SCGB3A2: variants seen among roughly 807,000 people sequenced by gnomAD.
SCGB3A2 encodes secretoglobin family 3A member 2, also known as pneumo secretory protein 1.
In SCGB3A2, 5 loss-of-function variants were observed where a neutral mutation model predicts 7.7. The ratio of observed to expected loss-of-function variants is 0.65; its 90% CI spans 0.34 to 1.36. The LOEUF (loss-of-function observed/expected upper bound fraction) is 1.36, where lower values mean the gene tolerates loss of function less well. Among genes scored for constraint, SCGB3A2 ranks in the 40% most tolerant of loss-of-function variants. The pLI is 0.04. For synonymous variants in SCGB3A2, 44 were observed against 42.7 expected, an observed-to-expected ratio of 1.03 and a Z score of -0.12; for missense variants, 109 against 103.6, an observed-to-expected ratio of 1.05 and a Z score of -0.23.
At chr5:147,881,056 G>A (rs1025207436) in intron 1 of SCGB3A2, 3 of 195,398 alleles carry the variant, frequency 1.5e-5, no homozygotes, top group East Asian at 1.4e-4. Context: ...GTGCATTAGC[G>A]AAAAAACACA....
Position 147,881,648 on chromosome 5 carries a change from G to C in SCGB3A2, c.258G>C (p.Leu86=). 1 of 1,612,638 alleles carries C rather than the reference G, an allele frequency of 6.2e-7. No homozygotes were observed. The highest frequency in any genetic ancestry group is 8.5e-7 in the Non-Finnish European group (1 of 1,179,270). Residue 86 remains leucine, a splice_region_variant and synonymous_variant, in exon 2 of 3, where the codon CTG becomes CTC. Coordinates refer to ENST00000296694, the MANE Select transcript of SCGB3A2 (RefSeq NM_054023.5). ...CTTCTGAAGCTGTGAAGAAACTGCT[G>C]GTAACCACAGCTTGGGAGGCTAATC... is the stretch of plus-strand genomic sequence containing the variant. The part of the protein sequence containing the change: ...PEASEAVKKL[L]EALSHLV
At chr5:147,879,666 T>A (rs1013384593) in intron 1 of SCGB3A2, among the ~76,000 whole-genome samples, 9 of 152,298 alleles carry the variant, frequency 5.9e-5, no homozygotes, top group African/African-American at 2.2e-4. Context: ...GAAGACAGTG[T>A]GGGCACATGG....
At position 147,881,637 on chromosome 5, in the gene SCGB3A2, A is replaced by G. The variant is rs1431949595; in HGVS notation, c.247A>G (p.Lys83Glu). ...ELGPEASEAV[K>E]KLLEALSHLV Reference sequence around the variant, plus strand: ...GGGACCAGAGGCTTCTGAAGCTGTGAAGAAACTGCTGGTAACCACAGCTTG... The same window carrying G: ...GGGACCAGAGGCTTCTGAAGCTGTGGAGAAACTGCTGGTAACCACAGCTTG... Residue 83 changes from lysine to glutamate, a missense_variant, in exon 2 of 3, where the codon AAG becomes GAG. By Grantham distance (56) the Lys-to-Glu change is moderately conservative (BLOSUM62 1). Transcript: ENST00000296694. 1.9e-6 allele frequency: 3 copies of G among 1,613,472 alleles called. No individual in the cohort carries two copies. Among genetic ancestry groups the G allele is most frequent in the Non-Finnish European group, 2.5e-6 (3 of 1,179,718 alleles).
intron 1 of SCGB3A2, among the ~76,000 whole-genome samples, 171 bp downstream of exon 1, chr5:147,879,029 G>A (rs1049926237): frequency 6.6e-6 from 1 of 152,036 alleles, no homozygotes; most frequent in Non-Finnish European, 1.5e-5. Context: ...TTGCAGGGTT[G>A]GAAGAAGTTT....
intron 2 of SCGB3A2, 73 bp downstream of exon 2, chr5:147,881,721 G>C (rs1347443664): frequency 7.6e-6 from 9 of 1,188,030 alleles, no homozygotes; most frequent in Middle Eastern, 4.1e-4. Flanking sequence ...TCCTCTTCTT[G>C]TCCCTTGTAA....
intron 2 of SCGB3A2, 42 bp from the exon 3 acceptor site, chr5:147,881,985 C>A: frequency 6.2e-7 from 1 of 1,606,856 alleles, no homozygotes; most frequent in Middle Eastern, 1.7e-4. Flanking sequence ...ATGCGAATTA[C>A]ATGTAAGCTG....
Position 147,882,031 on chromosome 5 carries a change from C to T in SCGB3A2, c.263C>T (p.Ala88Val), listed in dbSNP as rs1393390143. ...ASEAVKKLLE[A>V]LSHLV ...TGTTGTCCTTCTACATTTCAGGAGG[C>T]GCTATCACACTTGGTGTGACATCAA... Residue 88 changes from alanine to valine, a missense_variant, in exon 3 of 3, where the codon GCG (alanine) becomes GTG (valine). Coordinates refer to ENST00000296694, the MANE Select transcript of SCGB3A2 (RefSeq NM_054023.5). 6 of 1,613,740 alleles carry T rather than the reference C, an allele frequency of 3.7e-6. No individual in the cohort carries two copies. Among genetic ancestry groups the T allele is most frequent in the South Asian group, 1.1e-5 (1 of 91,056 alleles).
At chr5:147,879,845 G>A (rs1293588625) in intron 1 of SCGB3A2, among the ~76,000 whole-genome samples, 2 of 152,142 alleles carry the variant, frequency 1.3e-5, no homozygotes, top group African/African-American at 4.8e-5. Context: ...ACCTACAATG[G>A]CAACTTTGGC....
chr5:147,881,480 T>A lies in SCGB3A2; in HGVS notation c.90T>A (p.Pro30=). 6.2e-7 allele frequency: 1 copy of A among 1,614,068 alleles called. No individual in the cohort carries two copies. The highest frequency in any genetic ancestry group is 1.3e-5 in the African/African-American group (1 of 75,042). The change falls in exon 2 of 3, where the codon CCT becomes CCA. Residue 30 remains proline, a synonymous_variant. Transcript: ENST00000296694. ...TCCTCATCAACAAAGTGCCCCTTCC[T>A]GTTGACAAGTTGGCACCTTTACCTC... ...TAFLINKVPL[P]VDKLAPLPLD...
rs757836250 is a variant in SCGB3A2 at position 147,881,427 on chromosome 5, G to T, written c.56-19G>T. ...GGCCCAGATGTGCCTGTCTCACCTG[G>T]TTTCTCTTTTTCCTGCAGCTACTGC... On this transcript the variant is annotated intron_variant, in intron 1 of 2. Coordinates refer to ENST00000296694, the MANE Select transcript of SCGB3A2 (RefSeq NM_054023.5). 6.2e-7 allele frequency: 1 copy of T among 1,609,446 alleles called. No individual in the cohort carries two copies. Among genetic ancestry groups the T allele is most frequent in the Non-Finnish European group, 8.5e-7 (1 of 1,176,052 alleles).
chr5:147,882,074 G>T lies in SCGB3A2; in HGVS notation c.*24G>T. The T allele has an allele frequency of 6.2e-7, 1 of 1,612,646 alleles. No individual in the cohort carries two copies. Among genetic ancestry groups the T allele is most frequent in the Non-Finnish European group, 8.5e-7 (1 of 1,178,742 alleles). On this transcript the variant is annotated 3_prime_UTR_variant, in exon 3 of 3. Transcript: ENST00000296694. Reference sequence around the variant, plus strand: ...GACATCAAGATAAAGAGCGGAGGTGGATGGGGATGGAAGATGATGCTCCTA... The same window carrying T: ...GACATCAAGATAAAGAGCGGAGGTGTATGGGGATGGAAGATGATGCTCCTA...
chr5:147,878,881 G>T (rs1757301804), intron 1 of SCGB3A2, 23 bp downstream of exon 1: 4 of 1,556,296 alleles, frequency 2.6e-6, no homozygotes, highest in Non-Finnish European at 2.7e-6. Context: ...AATACATCTG[G>T]AATATGTGAC....
At chr5:147,881,715 C>G (rs1416790981) in intron 2 of SCGB3A2, 67 bp downstream of exon 2, 9 of 1,205,650 alleles carry the variant, frequency 7.5e-6, no homozygotes, top group Non-Finnish European at 9.5e-6. Flanking sequence ...TCTAGCTCCT[C>G]TTCTTGTCCC....
chr5:147,878,923 A>G (rs372563565), intron 1 of SCGB3A2, 65 bp downstream of exon 1: 96 of 1,167,156 alleles, frequency 8.2e-5, no homozygotes, highest in Non-Finnish European at 1.2e-4. Context: ...TAAGAGCACA[A>G]CTAGTAAGCC....
intron 1 of SCGB3A2, among the ~76,000 whole-genome samples, chr5:147,880,156 C>A (rs911982713): frequency 1.3e-5 from 2 of 152,152 alleles, no homozygotes; most frequent in African/African-American, 4.8e-5. Context: ...TACGTGTGTG[C>A]TCACATGCAT....
intron 1 of SCGB3A2, among the ~76,000 whole-genome samples, chr5:147,879,862 T>C (rs1190536521): frequency 6.6e-6 from 1 of 152,264 alleles, no homozygotes; most frequent in East Asian, 1.9e-4. Context: ...TGGCTTTTGA[T>C]GTTTATTGAA....
rs142978672 is a variant in SCGB3A2 at position 147,881,340 on chromosome 5, A to G, written c.56-106A>G. 31 of 879,518 alleles carry G rather than the reference A, an allele frequency of 3.5e-5. No homozygotes were observed. The East Asian group carries it at 7.0e-4, about 20-fold the overall frequency. 54.5% of individuals were successfully genotyped at this position (879,518 alleles called of 1,614,324 possible). A position where few individuals can be genotyped will look rare whatever the true frequency, so the allele number is the denominator to read the frequency against. ...GGTAGAAGTTTTCAATGGAAGTAAG[A>G]TGAGTGGATCTGGAATGGAGCTATT... On this transcript the variant is annotated intron_variant, in intron 1 of 2. Coordinates refer to ENST00000296694, the MANE Select transcript of SCGB3A2 (RefSeq NM_054023.5).
At chr5:147,880,817 G>A (rs180997219) in intron 1 of SCGB3A2, 1 of 153,918 alleles carries the variant, frequency 6.5e-6, no homozygotes, top group African/African-American at 2.4e-5. Context: ...AGACTAGATA[G>A]AGTTGGTGCT....
intron 1 of SCGB3A2, among the ~76,000 whole-genome samples, chr5:147,879,266 T>A (rs17107353): frequency 0.15 from 22,231 of 152,218 alleles, 1,848 homozygotes; most frequent in Admixed American, 0.27. Flanking sequence ...GCTTTTGAAC[T>A]ATATGGAGTC....
Sources: gnomAD v4.1 joint callset for allele counts (sites outside exome capture counted in the v4.1 genomes callset) on GRCh38, gnomAD v4.1.1 for gene constraint, MANE v1.5 for transcripts, NCBI Gene and HGNC (gene_info 2026-07-23, HGNC 2026-07-21) for gene names.